Variants in CNTRL observed in about 807,000 individuals in gnomAD.
CNTRL encodes the protein centriolin.
Under a neutral mutation model 303.7 loss-of-function variants are expected in CNTRL, and 233 were observed. The ratio of observed to expected loss-of-function variants is 0.77; its 90% CI spans 0.69 to 0.86. The LOEUF is 0.86. CNTRL is among the 40% of genes least tolerant of loss of function. The probability of loss-of-function intolerance (pLI) is 0.00; values close to 1 mark genes in which losing one functional copy is unlikely to be tolerated. For synonymous variants in CNTRL, 900 were observed against 922.2 expected, an observed-to-expected ratio of 0.98 and a Z score of 0.44; for missense variants, 2,524 against 2,650.6, an observed-to-expected ratio of 0.95 and a Z score of 1.05.
Position 121,109,832 on chromosome 9 carries a change from T to G in CNTRL, c.1002+1837T>G, listed in dbSNP as rs2049666202. 3.9e-5 allele frequency among the ~76,000 whole-genome samples: 6 copies of G among 152,260 alleles called. No homozygotes were observed. The South Asian group carries it at 1.0e-3, about 26-fold the overall frequency. ...ATCTTGTTTTAATTTTGAATTTTTA[T>G]AGTTGTTGGACAGTTGAGTATTGCA... On this transcript the variant is annotated intron_variant, in intron 8 of 43. Transcript: ENST00000373855.
chr9:121,174,025 G>C (rs1363216950), intron 42 of CNTRL, among the ~76,000 whole-genome samples: 1 of 152,204 alleles, frequency 6.6e-6, no homozygotes, highest in East Asian at 1.9e-4. Context: ...AGAGGAAGTA[G>C]AAACACAGTG....
At chr9:121,159,229 C>T (rs1253286657) in intron 31 of CNTRL, among the ~76,000 whole-genome samples, 1 of 152,130 alleles carries the variant, frequency 6.6e-6, no homozygotes, top group Non-Finnish European at 1.5e-5. Flanking sequence ...TCAAAGTTCT[C>T]CTGCCCCTGT....
chr9:121,118,299 G>A, intron 11 of CNTRL, 47 bp from the exon 12 acceptor site: 1 of 1,342,122 alleles, frequency 7.5e-7, no homozygotes, highest in African/African-American at 1.5e-5. Flanking sequence ...TAATAAATCA[G>A]TGTTGTTCTT....
intron 14 of CNTRL, among the ~76,000 whole-genome samples, chr9:121,132,399 A>G (rs2050917705): frequency 1.3e-5 from 2 of 152,068 alleles, no homozygotes; most frequent in Admixed American, 6.5e-5. Flanking sequence ...AGTCACTGAT[A>G]CCCTTTCTTC....
chr9:121,084,897 C>T (rs1349395980), intron 2 of CNTRL, among the ~76,000 whole-genome samples: 1 of 152,006 alleles, frequency 6.6e-6, no homozygotes, highest in East Asian at 1.9e-4. Flanking sequence ...CATTCTGAGC[C>T]TTAATGGTCA....
At chr9:121,131,471 T>C (rs2050853088) in intron 14 of CNTRL, among the ~76,000 whole-genome samples, 1 of 152,188 alleles carries the variant, frequency 6.6e-6, no homozygotes, top group South Asian at 2.1e-4. Context: ...TTTTTTTGCT[T>C]TCCATTTGCT....
chr9:121,162,434 AGC>A, intron 34 of CNTRL, 163 bp downstream of exon 34: 3 of 627,038 alleles, frequency 4.8e-6, no homozygotes, highest in African/African-American at 1.9e-5. Flanking sequence ...ATTTCCTTCT[AGC>A]TTTTTTTTTT....
Position 121,148,738 on chromosome 9 carries a change from C to T in CNTRL, c.3526C>T (p.Pro1176Ser), listed in dbSNP as rs1403426974. The change falls in exon 24 of 44, where the codon CCT becomes TCT. Residue 1176 changes from proline (P) to serine (S), a missense_variant. Coordinates refer to ENST00000373855, the MANE Select transcript of CNTRL (RefSeq NM_007018.6). ...GVGLKYSAST[P>S]VRKPRPGQQD... The stretch of plus-strand genomic sequence containing the variant: ...TGGCCTTAAGTACTCAGCCTCAACT[C>T]CTGTTAGAAAACCACGCCCTGGGCA... 1.9e-6 allele frequency: 3 copies of T among 1,614,036 alleles called. No individual in the cohort carries two copies. The highest frequency in any genetic ancestry group is 1.7e-6 in the Non-Finnish European group (2 of 1,180,020).
intron 1 of CNTRL, 27 bp downstream of exon 1, chr9:121,075,094 T>A (rs528267109): frequency 2.7e-6 from 1 of 376,474 alleles, no homozygotes; most frequent in Non-Finnish European, 5.4e-6. Flanking sequence ...GCCGAGCCCG[T>A]TCCCCGGCAT....
chr9:121,131,672 G>A (rs1430827552), intron 14 of CNTRL, among the ~76,000 whole-genome samples: 1 of 152,154 alleles, frequency 6.6e-6, no homozygotes, highest in Non-Finnish European at 1.5e-5. Context: ...TGATCCTGTT[G>A]TTATGATGCT....
chr9:121,168,018 A>C (rs2146836), intron 37 of CNTRL, 78 bp from the exon 38 acceptor site: 829,703 of 1,217,094 alleles, frequency 0.68, 289,915 homozygotes, highest in South Asian at 0.89. Flanking sequence ...TTTGACCTGG[A>C]ATCTGTCTCA....
Position 121,169,779 on chromosome 9 carries a change from T to C in CNTRL, c.6239T>C (p.Leu2080Pro), listed in dbSNP as rs2053231656. 1.2e-6 allele frequency: 2 copies of C among 1,614,160 alleles called. No individual in the cohort carries two copies. Among genetic ancestry groups the C allele is most frequent in the Non-Finnish European group, 1.7e-6 (2 of 1,180,006 alleles). Residue 2080 changes from leucine (L) to proline (P), a missense_variant, in exon 39 of 44, where the codon CTT (leucine) becomes CCT (proline). Coordinates refer to ENST00000373855, the MANE Select transcript of CNTRL (RefSeq NM_007018.6). ...EKQVASLKEA[L>P]KIQRSQLEKN... ...CAGGTGGCCAGCCTGAAGGAAGCAC[T>C]TAAGATCCAGCGGAGCCAGCTGGAG...
At position 121,143,908 on chromosome 9, in the gene CNTRL, A is replaced by G. The variant is rs780256259; in HGVS notation, c.2877A>G (p.Lys959=). ...AQLRELEKKK[K]LEDAKSQEQV... ...TAATATTTCTTTTATTTTAGAAGAA[A>G]CTTGAAGATGCCAAATCTCAGGAGC... The change falls in exon 20 of 44, where the codon AAA becomes AAG. Residue 959 remains lysine (K), a synonymous_variant. Coordinates refer to ENST00000373855, the MANE Select transcript of CNTRL (RefSeq NM_007018.6). The G allele has an allele frequency of 1.1e-5, 17 of 1,587,480 alleles. No individual in the cohort carries two copies. Among genetic ancestry groups the G allele is most frequent in the Admixed American group, 1.9e-5 (1 of 51,444 alleles).
At chr9:121,177,053 A>AGAG in intron 43 of CNTRL, 110 bp from the exon 44 acceptor site, 2 of 808,950 alleles carry the variant, frequency 2.5e-6, no homozygotes, top group Non-Finnish European at 4.1e-6. Context: ...ATTTTTCCAA[A>AGAG]GAGGTACTCA....
chr9:121,176,770 C>T (rs893117589), intron 43 of CNTRL, among the ~76,000 whole-genome samples: 2 of 152,108 alleles, frequency 1.3e-5, no homozygotes, highest in South Asian at 4.1e-4. Context: ...GGCTTCTGAG[C>T]GTAACATTTT....
chr9:121,143,793 A>G (rs770886819), intron 19 of CNTRL, 110 bp from the exon 20 acceptor site: 4 of 716,530 alleles, frequency 5.6e-6, no homozygotes, highest in Non-Finnish European at 9.2e-6. Flanking sequence ...CTGTGTATCA[A>G]GTATTGTTCT....
rs1309163330 is a variant in CNTRL, at chr9:121,112,582, A to T, written c.1122+4A>T. 1 of 1,612,052 alleles carries T rather than the reference A, an allele frequency of 6.2e-7. No homozygotes were observed. Among genetic ancestry groups the T allele is most frequent in the Admixed American group, 1.7e-5 (1 of 59,928 alleles). ...ACTAAATTATTATCCATCAGAGGTG[A>T]GTTATTTTAATTTTTTAGTAATCCA... On this transcript the variant is annotated splice_donor_region_variant and intron_variant, in intron 9 of 43. Transcript: ENST00000373855.
At chr9:121,103,211 A>G (rs1321958743) in intron 7 of CNTRL, among the ~76,000 whole-genome samples, 1 of 152,312 alleles carries the variant, frequency 6.6e-6, no homozygotes, top group South Asian at 2.1e-4. Context: ...ATATAGACCA[A>G]TGGAACAGAA....
intron 14 of CNTRL, among the ~76,000 whole-genome samples, chr9:121,133,450 C>T (rs887912341): frequency 2.6e-5 from 4 of 152,242 alleles, no homozygotes; most frequent in African/African-American, 7.2e-5. Flanking sequence ...CCTGCTGAGC[C>T]AGGTGTGGGA....
Sources: allele counts gnomAD v4.1 joint callset (sites outside exome capture counted in the v4.1 genomes callset), GRCh38; gene constraint gnomAD v4.1.1; transcripts MANE v1.5; gene names NCBI Gene and HGNC (gene_info 2026-07-23, HGNC 2026-07-21).